FMN1: variants seen among roughly 807,000 people sequenced by gnomAD.
The protein encoded by FMN1 is formin 1, also known as formin-1.
FMN1 carries 110 observed loss-of-function variants against 132.4 expected under a neutral mutation model. The observed-to-expected ratio is 0.83, with a 90% confidence interval of 0.71 to 0.97. The LOEUF (loss-of-function observed/expected upper bound fraction) is 0.97, where lower values mean the gene tolerates loss of function less well. Ranked by LOEUF, FMN1 falls within the 50% of genes least tolerant of loss-of-function variation. The pLI is 0.00. For missense variants in FMN1, 1,792 were observed against 1,705.3 expected (o/e 1.05, Z -0.90); for synonymous variants, 722 against 651.7 (o/e 1.11, Z -1.64).
At chr15:33,165,504 C>A (rs546850477) in intron 3 of FMN1, among the ~76,000 whole-genome samples, 1 of 152,194 alleles carries the variant, frequency 6.6e-6, no homozygotes, top group Non-Finnish European at 1.5e-5. Context: ...CATTCTCTTG[C>A]CTCAGCCTCC....
intron 3 of FMN1, among the ~76,000 whole-genome samples, chr15:33,171,980 C>T (rs1258958132): frequency 2.0e-5 from 3 of 152,100 alleles, no homozygotes; most frequent in African/African-American, 7.2e-5. Context: ...GAGGCCAAGG[C>T]GGGTGGATCA....
intron 9 of FMN1, among the ~76,000 whole-genome samples, chr15:32,932,033 T>G (rs2061132047): frequency 6.6e-6 from 1 of 152,238 alleles, no homozygotes; most frequent in African/African-American, 2.4e-5. Context: ...ATTCATATGT[T>G]GAACCTTCCT....
chr15:33,125,471 G>A (rs1420569989), intron 4 of FMN1, among the ~76,000 whole-genome samples: 1 of 151,880 alleles, frequency 6.6e-6, no homozygotes, highest in South Asian at 2.1e-4. Flanking sequence ...TATCTAATGG[G>A]GTTATACAAA....
At chr15:32,996,838 A>G (rs1252213825) in intron 7 of FMN1, among the ~76,000 whole-genome samples, 2 of 152,128 alleles carry the variant, frequency 1.3e-5, no homozygotes, top group Non-Finnish European at 2.9e-5. Context: ...CACACCATAC[A>G]AGGAGGTGGC....
At chr15:32,899,098 G>A (rs1365581401) in intron 14 of FMN1, among the ~76,000 whole-genome samples, 3 of 152,060 alleles carry the variant, frequency 2.0e-5, no homozygotes, top group Non-Finnish European at 4.4e-5. Flanking sequence ...ACTATCCTTT[G>A]TGGGGAAAAA....
chr15:32,910,354 G>GC (rs1381675426), intron 11 of FMN1, 120 bp downstream of exon 11: 1 of 749,678 alleles, frequency 1.3e-6, no homozygotes, highest in African/African-American at 1.8e-5. Flanking sequence ...GTGTTTCTAT[G>GC]CCTTAATCTC....
Position 32,773,108 on chromosome 15 carries a change from G to C in FMN1, c.*1202C>G, listed in dbSNP as rs1370750613. 1 of 152,186 alleles carries C rather than the reference G, an allele frequency of 6.6e-6. No individual in the cohort carries two copies. Among genetic ancestry groups the C allele is most frequent in the Non-Finnish European group, 1.5e-5 (1 of 68,044 alleles). 9.4% of individuals were successfully genotyped at this position (152,186 alleles called of 1,614,324 possible). On this transcript the variant is annotated 3_prime_UTR_variant, in exon 21 of 21. Transcript: ENST00000616417. ...GTGGCTTAAAGACAAAAGTGTCAGA[G>C]AGGTCAAAGGTGGTTTCCTTATGTG...
intron 6 of FMN1, among the ~76,000 whole-genome samples, chr15:33,055,190 T>G (rs569699935): frequency 6.6e-6 from 1 of 152,154 alleles, no homozygotes; most frequent in Non-Finnish European, 1.5e-5. Flanking sequence ...TGATAAAACC[T>G]TGGTCTCCAC....
intron 9 of FMN1, among the ~76,000 whole-genome samples, chr15:32,943,814 T>A (rs1222431680): frequency 6.6e-6 from 1 of 152,130 alleles, no homozygotes; most frequent in Non-Finnish European, 1.5e-5. Context: ...TTAACTGCCA[T>A]CCAAATCAAA....
chr15:33,127,111 G>A (rs569315335), intron 4 of FMN1, among the ~76,000 whole-genome samples: 5 of 152,158 alleles, frequency 3.3e-5, no homozygotes, highest in Admixed American at 6.5e-5. Flanking sequence ...AGTGATGAAC[G>A]AGATAGCATC....
At chr15:32,936,952 C>T (rs538006966) in intron 9 of FMN1, among the ~76,000 whole-genome samples, 2 of 152,162 alleles carry the variant, frequency 1.3e-5, no homozygotes, top group Non-Finnish European at 2.9e-5. Context: ...AGTCTCCAGG[C>T]ATCTAGAGTA....
At chr15:33,012,434 C>T in intron 6 of FMN1, 2 of 976,104 alleles carry the variant, frequency 2.0e-6, no homozygotes, top group Non-Finnish European at 3.3e-6. Flanking sequence ...GTGAAAAAGA[C>T]ATTTGTTGCT....
At chr15:33,001,781 G>C (rs747652540) in intron 7 of FMN1, among the ~76,000 whole-genome samples, 5 of 148,476 alleles carry the variant, frequency 3.4e-5, no homozygotes, top group Admixed American at 6.8e-5. Flanking sequence ...CTGCGGTGGT[G>C]CGCGCATGCA....
intron 7 of FMN1, among the ~76,000 whole-genome samples, chr15:32,997,346 G>A (rs943736677): frequency 2.0e-5 from 3 of 149,512 alleles, no homozygotes; most frequent in Non-Finnish European, 4.4e-5. Flanking sequence ...TAATCACATG[G>A]GGAACTTGTG....
intron 7 of FMN1, among the ~76,000 whole-genome samples, chr15:32,995,192 C>T (rs1016401725): frequency 6.6e-6 from 1 of 151,854 alleles, no homozygotes; most frequent in Non-Finnish European, 1.5e-5. Context: ...ATAGGTCATG[C>T]CATATATTGT....
intron 16 of FMN1, among the ~76,000 whole-genome samples, chr15:32,858,062 G>A (rs1271881313): frequency 6.6e-6 from 1 of 152,162 alleles, no homozygotes; most frequent in Non-Finnish European, 1.5e-5. Flanking sequence ...TCACCATAAA[G>A]ATATCATGCC....
intron 4 of FMN1, among the ~76,000 whole-genome samples, chr15:33,142,940 G>A (rs1468578278): frequency 6.6e-6 from 1 of 152,200 alleles, no homozygotes; most frequent in Non-Finnish European, 1.5e-5. Flanking sequence ...GACCAGTGAA[G>A]TACATGAAAC....
chr15:32,806,100 AGTT>A (rs1175963577), intron 17 of FMN1, among the ~76,000 whole-genome samples: 13 of 152,226 alleles, frequency 8.5e-5, no homozygotes, highest in African/African-American at 1.9e-4. Flanking sequence ...CTACAACATA[AGTT>A]GTTATGTTAT....
chr15:32,949,444 C>T (rs2061577089), intron 9 of FMN1, among the ~76,000 whole-genome samples: 1 of 152,044 alleles, frequency 6.6e-6, no homozygotes, highest in Non-Finnish European at 1.5e-5. Flanking sequence ...CAAAAACAAG[C>T]AATAGAGAAA....
Sources: allele counts gnomAD v4.1 joint callset (sites outside exome capture counted in the v4.1 genomes callset), GRCh38; gene constraint gnomAD v4.1.1; transcripts MANE v1.5; gene names NCBI Gene and HGNC (gene_info 2026-07-23, HGNC 2026-07-21).